Variants in C16orf74 observed in about 807,000 individuals in gnomAD.
C16orf74 encodes the protein uncharacterized protein C16orf74.
Under a neutral mutation model 6.5 loss-of-function variants are expected in C16orf74, and 10 were observed. The observed-to-expected ratio is 1.54, with a 90% CI of 0.95 to 2.61. The LOEUF is 2.61. C16orf74 is among the 30% of genes most tolerant of loss of function. The probability of loss-of-function intolerance (pLI) is 0.00; values close to 1 mark genes in which losing one functional copy is unlikely to be tolerated. For synonymous variants in C16orf74, 60 were observed against 42.5 expected (o/e 1.41, Z -1.60); for missense variants, 141 against 105.9 (o/e 1.33, Z -1.45).
At position 85,738,727 on chromosome 16, in the gene C16orf74, G is replaced by A. The variant is rs550514477; in HGVS notation, c.-18-3492C>T. Among the ~76,000 whole-genome samples, 589 of 152,094 alleles carry A rather than the reference G, an allele frequency of 3.9e-3. 6 individuals are homozygous for A. The highest frequency in any genetic ancestry group is 0.013 in the African/African-American group (557 of 41,518). On this transcript the variant is annotated intron_variant, in intron 1 of 3. Coordinates refer to ENST00000284245, the MANE Select transcript of C16orf74 (RefSeq NM_206967.3). Reference sequence around the variant, plus strand: ...GAGTGAGGGGTAGCGGAGGAGTGGGGCTGGGGCTGAGGGACGGAGGGCCCA... The same window carrying A: ...GAGTGAGGGGTAGCGGAGGAGTGGGACTGGGGCTGAGGGACGGAGGGCCCA...
intron 2 of C16orf74, among the ~76,000 whole-genome samples, chr16:85,725,919 C>T (rs2054128410): frequency 1.3e-5 from 2 of 152,172 alleles, no homozygotes; most frequent in Non-Finnish European, 2.9e-5. Context: ...GTTCTCAATC[C>T]ACACCTCAGC....
chr16:85,727,362 T>G (rs1448092312), intron 2 of C16orf74, among the ~76,000 whole-genome samples: 2 of 152,314 alleles, frequency 1.3e-5, no homozygotes, highest in Admixed American at 1.3e-4. Context: ...GTCACAGCCA[T>G]GCCTGGCAGC....
intron 2 of C16orf74, among the ~76,000 whole-genome samples, chr16:85,725,238 G>GC (rs1457112520): frequency 3.3e-5 from 5 of 152,104 alleles, no homozygotes; most frequent in Non-Finnish European, 1.5e-5. Flanking sequence ...TCTCTCAGGA[G>GC]CTCCTGCCTC....
At chr16:85,735,682 T>G (rs1408626582) in intron 1 of C16orf74, among the ~76,000 whole-genome samples, 1 of 137,208 alleles carries the variant, frequency 7.3e-6, no homozygotes, top group Non-Finnish European at 1.7e-5. Flanking sequence ...CCCGTTCTAA[T>G]GCTTTTTTTT....
At chr16:85,746,172 A>G (rs1325529663) in intron 1 of C16orf74, among the ~76,000 whole-genome samples, 1 of 152,098 alleles carries the variant, frequency 6.6e-6, no homozygotes, top group Non-Finnish European at 1.5e-5. Context: ...CAACATGATG[A>G]CACCCCGTCT....
intron 2 of C16orf74, among the ~76,000 whole-genome samples, chr16:85,715,096 G>A (rs1267520907): frequency 6.6e-6 from 1 of 150,734 alleles, no homozygotes; most frequent in African/African-American, 2.4e-5. Flanking sequence ...GGCGGAGCTT[G>A]CAGTGAGCCG....
At chr16:85,739,114 C>T in intron 1 of C16orf74, among the ~76,000 whole-genome samples, 1 of 152,112 alleles carries the variant, frequency 6.6e-6, no homozygotes, top group Non-Finnish European at 1.5e-5. Context: ...CATGCTGGCT[C>T]TCCTGCCGCC....
At chr16:85,716,350 A>G in intron 2 of C16orf74, among the ~76,000 whole-genome samples, 1 of 111,746 alleles carries the variant, frequency 8.9e-6, no homozygotes, top group African/African-American at 3.5e-5. Context: ...GGGAGGGAGG[A>G]GGAAGAGGAG....
chr16:85,729,961 G>A (rs982566563), intron 2 of C16orf74, among the ~76,000 whole-genome samples: 1 of 152,190 alleles, frequency 6.6e-6, no homozygotes, highest in Non-Finnish European at 1.5e-5. Context: ...GGACAGTCAC[G>A]CACGGTAGAG....
rs1012850580 is a variant in C16orf74 at position 85,708,068 on chromosome 16, T to G, written c.173-2A>C. The G allele has an allele frequency of 7.1e-6, 11 of 1,552,834 alleles. No homozygotes were observed. In the African/African-American group the frequency reaches 1.2e-4, roughly 17 times the overall value. On this transcript the variant is annotated splice_acceptor_variant, in intron 3 of 3. Coordinates refer to ENST00000284245, the MANE Select transcript of C16orf74 (RefSeq NM_206967.3). LOFTEE classifies it high-confidence loss of function. ...ACGACCCTGTCTCATCCAGCCAGACTAGGAGAAAGAGGGGATGGACACCTG... is the reference window on the plus strand; with the variant it reads ...ACGACCCTGTCTCATCCAGCCAGACGAGGAGAAAGAGGGGATGGACACCTG...
intron 2 of C16orf74, among the ~76,000 whole-genome samples, chr16:85,711,856 A>G (rs1598779499): frequency 1.3e-5 from 2 of 152,248 alleles, no homozygotes; most frequent in South Asian, 4.1e-4. Context: ...CTTGACCACC[A>G]TTAGGACAAT....
intron 2 of C16orf74, 66 bp from the exon 3 acceptor site, chr16:85,710,373 C>T: frequency 1.4e-6 from 2 of 1,412,208 alleles, no homozygotes; most frequent in Non-Finnish European, 1.8e-6. Context: ...TCAGTGGCCG[C>T]CGGGAACCGC....
intron 1 of C16orf74, among the ~76,000 whole-genome samples, chr16:85,739,111 G>A (rs74034068): frequency 0.033 from 4,974 of 152,160 alleles, 260 homozygotes; most frequent in African/African-American, 0.11. Flanking sequence ...GCCCATGCTG[G>A]CTCTCCTGCC....
At chr16:85,708,216 G>T (rs1174666810) in intron 3 of C16orf74, 150 bp from the exon 4 acceptor site, 2 of 679,638 alleles carry the variant, frequency 2.9e-6, no homozygotes, top group Non-Finnish European at 5.0e-6. Flanking sequence ...CAGTGATGCT[G>T]GATCCTTCTG....
At chr16:85,725,837 C>A (rs1412371261) in intron 2 of C16orf74, among the ~76,000 whole-genome samples, 3 of 152,178 alleles carry the variant, frequency 2.0e-5, no homozygotes, top group African/African-American at 7.2e-5. Context: ...CTCCTGACCT[C>A]AAGCAATCTG....
intron 2 of C16orf74, among the ~76,000 whole-genome samples, chr16:85,711,499 T>C (rs1449823081): frequency 6.6e-6 from 1 of 151,142 alleles, no homozygotes; most frequent in Non-Finnish European, 1.5e-5. Flanking sequence ...GGTATGCGCC[T>C]GTAATCCCAG....
At chr16:85,747,446 T>A (rs940597662) in intron 1 of C16orf74, among the ~76,000 whole-genome samples, 8 of 151,644 alleles carry the variant, frequency 5.3e-5, no homozygotes, top group African/African-American at 1.9e-4. Flanking sequence ...AGAGACCCCA[T>A]CTCAAAATAA....
chr16:85,748,555 G>A (rs919534006), intron 1 of C16orf74, among the ~76,000 whole-genome samples: 1 of 151,118 alleles, frequency 6.6e-6, no homozygotes, highest in Non-Finnish European at 1.5e-5. Context: ...CCGAGATCAC[G>A]CCACTGCACT....
At chr16:85,708,536 T>C (rs1322192136) in intron 3 of C16orf74, among the ~76,000 whole-genome samples, 2 of 152,220 alleles carry the variant, frequency 1.3e-5, no homozygotes, top group Non-Finnish European at 2.9e-5. Context: ...CCTTGCTGTG[T>C]GTCCCTGGGC....
Sources: allele counts gnomAD v4.1 joint callset (sites outside exome capture counted in the v4.1 genomes callset), GRCh38; gene constraint gnomAD v4.1.1; transcripts MANE v1.5; gene names NCBI Gene and HGNC (gene_info 2026-07-23, HGNC 2026-07-21).